Variants in MAGI3 observed in about 807,000 individuals in gnomAD.
The protein encoded by MAGI3 is membrane associated guanylate kinase, WW and PDZ domain containing 3.
A neutral mutation model predicts 121.8 loss-of-function variants in MAGI3; 43 were observed. The observed-to-expected ratio is 0.35, with a 90% CI of 0.28 to 0.46. The LOEUF (loss-of-function observed/expected upper bound fraction) is 0.46, where lower values mean the gene tolerates loss of function less well. Among genes scored for constraint, MAGI3 ranks in the 20% least tolerant of loss-of-function variants. MAGI3 has a pLI of 1.00. For missense variants in MAGI3, 1,547 were observed against 1,797.3 expected, an observed-to-expected ratio of 0.86 and a Z score of 2.52; for synonymous variants, 553 against 639.3, an observed-to-expected ratio of 0.86 and a Z score of 2.04.
intron 1 of MAGI3, among the ~76,000 whole-genome samples, chr1:113,468,603 C>T (rs776426254): frequency 6.6e-6 from 1 of 152,074 alleles, no homozygotes; most frequent in Non-Finnish European, 1.5e-5. Flanking sequence ...CAGAGTTTTT[C>T]CGGTAGCATC....
chr1:113,585,042 A>G (rs1648277434), intron 3 of MAGI3, among the ~76,000 whole-genome samples: 2 of 137,748 alleles, frequency 1.5e-5, no homozygotes, highest in South Asian at 4.5e-4. Flanking sequence ...ATCTCAGCTC[A>G]TTGGAACCTC....
At chr1:113,682,335 CTTT>C (rs1341181530) in intron 20 of MAGI3, 34 of 1,563,664 alleles carry the variant, frequency 2.2e-5, no homozygotes, top group Non-Finnish European at 2.8e-5. Flanking sequence ...TCACTTTCTT[CTTT>C]TGTTTTCTTT....
intron 6 of MAGI3, among the ~76,000 whole-genome samples, chr1:113,597,907 C>A (rs1317707329): frequency 1.3e-5 from 2 of 152,126 alleles, no homozygotes; most frequent in Non-Finnish European, 2.9e-5. Flanking sequence ...AATAGAACCT[C>A]TTGAAAGCAT....
At position 113,437,110 on chromosome 1, in the gene MAGI3, G is replaced by A. The variant is rs907878145; in HGVS notation, c.316+45761G>A. ...ATTACAGGCATGAGCCACCGCACCC[G>A]GCCTGGAAAATATTTTTTATCTCCC... On this transcript the variant is annotated intron_variant, in intron 1 of 20. Coordinates refer to ENST00000307546, the MANE Select transcript of MAGI3 (RefSeq NM_001142782.2). Among the ~76,000 whole-genome samples, 3 of 151,906 alleles carry A rather than the reference G, an allele frequency of 2.0e-5. No homozygotes were observed. In the East Asian group the frequency reaches 5.8e-4, roughly 29 times the overall value.
chr1:113,490,463 G>A (rs879625076), intron 1 of MAGI3, among the ~76,000 whole-genome samples: 2 of 152,152 alleles, frequency 1.3e-5, no homozygotes, highest in African/African-American at 2.4e-5. Flanking sequence ...ACATTGTAAG[G>A]CAACTACATA....
chr1:113,490,625 A>G (rs1656624034), intron 1 of MAGI3, among the ~76,000 whole-genome samples: 1 of 152,242 alleles, frequency 6.6e-6, no homozygotes, highest in African/African-American at 2.4e-5. Flanking sequence ...TGTCTTCAAG[A>G]GACCAGTCTC....
chr1:113,545,254 GT>G (rs748064466), intron 1 of MAGI3, among the ~76,000 whole-genome samples: 2 of 151,974 alleles, frequency 1.3e-5, no homozygotes, highest in Non-Finnish European at 2.9e-5. Flanking sequence ...GAAATATTGT[GT>G]TTAGAAGAGA....
chr1:113,542,113 C>A (rs1383300804), intron 1 of MAGI3, among the ~76,000 whole-genome samples: 1 of 152,116 alleles, frequency 6.6e-6, no homozygotes, highest in Non-Finnish European at 1.5e-5. Context: ...AGTAGTCCCC[C>A]CCTCCTTATT....
chr1:113,444,116 G>A (rs566053324), intron 1 of MAGI3, among the ~76,000 whole-genome samples: 8 of 152,318 alleles, frequency 5.3e-5, no homozygotes, highest in Non-Finnish European at 7.4e-5. Context: ...ACAGCTCTTC[G>A]CATGGTAGCA....
intron 7 of MAGI3, chr1:113,618,671 T>C (rs1434221382): frequency 3.3e-6 from 1 of 306,724 alleles, no homozygotes; most frequent in Non-Finnish European, 6.3e-6. Context: ...ACGCCCAGCT[T>C]ATTTTTGTAT....
At chr1:113,598,606 T>C (rs1361096997) in intron 6 of MAGI3, among the ~76,000 whole-genome samples, 1 of 151,806 alleles carries the variant, frequency 6.6e-6, no homozygotes, top group South Asian at 2.1e-4. Context: ...TATACAATGA[T>C]AAAATGATCA....
chr1:113,554,190 C>T (rs1659894750), intron 2 of MAGI3, among the ~76,000 whole-genome samples: 1 of 152,062 alleles, frequency 6.6e-6, no homozygotes, highest in African/African-American at 2.4e-5. Flanking sequence ...GATGGCATTA[C>T]TATACCAGGA....
intron 1 of MAGI3, among the ~76,000 whole-genome samples, chr1:113,467,903 A>G (rs1298487851): frequency 1.3e-5 from 2 of 152,108 alleles, no homozygotes; most frequent in African/African-American, 2.4e-5. Context: ...TATACTTCAG[A>G]GCTCCACTGT....
chr1:113,562,731 T>G (rs925106422), intron 2 of MAGI3, among the ~76,000 whole-genome samples: 19 of 152,170 alleles, frequency 1.2e-4, no homozygotes, highest in Non-Finnish European at 1.6e-4. Context: ...GAATAGCTAA[T>G]GAATGCTGGG....
At chr1:113,597,874 A>G (rs1273324201) in intron 6 of MAGI3, among the ~76,000 whole-genome samples, 1 of 152,228 alleles carries the variant, frequency 6.6e-6, no homozygotes, top group Non-Finnish European at 1.5e-5. Flanking sequence ...TAAATCTTCA[A>G]ACAAAAAGTT....
chr1:113,506,586 C>T (rs1553193450), intron 1 of MAGI3, among the ~76,000 whole-genome samples: 1 of 152,144 alleles, frequency 6.6e-6, no homozygotes, highest in Non-Finnish European at 1.5e-5. Flanking sequence ...AGTGCTTTTG[C>T]TATATTAAAT....
intron 6 of MAGI3, among the ~76,000 whole-genome samples, chr1:113,602,147 C>G (rs973070940): frequency 1.3e-5 from 2 of 151,982 alleles, no homozygotes; most frequent in Non-Finnish European, 2.9e-5. Context: ...GGGTGCAGCA[C>G]ACCAGCATGT....
At chr1:113,583,239 G>C (rs1372137553) in intron 3 of MAGI3, among the ~76,000 whole-genome samples, 1 of 151,768 alleles carries the variant, frequency 6.6e-6, no homozygotes, top group African/African-American at 2.4e-5. Context: ...TTGGTGTGCT[G>C]CACCCATTAA....
At chr1:113,639,850 G>A (rs902959309) in intron 9 of MAGI3, among the ~76,000 whole-genome samples, 3 of 152,068 alleles carry the variant, frequency 2.0e-5, no homozygotes, top group Non-Finnish European at 2.9e-5. Flanking sequence ...TTACAGGCGT[G>A]AGCCACCGCG....
Sources: allele counts gnomAD v4.1 joint callset (sites outside exome capture counted in the v4.1 genomes callset), GRCh38; gene constraint gnomAD v4.1.1; transcripts MANE v1.5; gene names NCBI Gene and HGNC (gene_info 2026-07-23, HGNC 2026-07-21).